DCC: variants seen among roughly 807,000 people sequenced by gnomAD.
DCC encodes the protein netrin receptor DCC.
DCC carries 58 observed loss-of-function variants against 172.5 expected under a neutral mutation model. That is an observed-to-expected ratio of 0.34 (90% confidence interval 0.27 to 0.42). The LOEUF (loss-of-function observed/expected upper bound fraction) is 0.42. Among genes scored for constraint, DCC ranks in the 10% least tolerant of loss-of-function variants. The pLI, the probability that DCC is intolerant of heterozygous loss-of-function variation, is 1.00. For missense variants in DCC, 1,740 were observed against 1,791.0 expected (o/e 0.97, Z 0.51); for synonymous variants, 709 against 644.5 (o/e 1.10, Z -1.52).
In DCC at chr18:52,417,609, T is replaced by C. The variant is rs536904327; in HGVS notation, c.91+76731T>C. Among the ~76,000 whole-genome samples the C allele has an allele frequency of 5.0e-3, 760 of 152,220 alleles. 8 individuals carry two copies. The highest frequency in any genetic ancestry group is 0.018 in the African/African-American group (731 of 41,546). On this transcript the variant is annotated intron_variant, in intron 1 of 28. Transcript: ENST00000442544. ...TGTCTCTAAACTTCCCTTCTCGCTT[T>C]ATTTCATTCATTTCATCTTCCATCA...
chr18:52,490,399 T>A (rs1426283183), intron 1 of DCC, among the ~76,000 whole-genome samples: 1 of 152,110 alleles, frequency 6.6e-6, no homozygotes, highest in African/African-American at 2.4e-5. Context: ...AGCTTATGAA[T>A]ATAACCTTAG....
chr18:52,920,304 A>G (rs1236568563), intron 3 of DCC, among the ~76,000 whole-genome samples: 1 of 152,088 alleles, frequency 6.6e-6, no homozygotes, highest in African/African-American at 2.4e-5. Context: ...AATTTGCAAA[A>G]CACACTTGTG....
chr18:53,447,684 G>C (rs151274487), intron 22 of DCC, among the ~76,000 whole-genome samples: 1 of 152,214 alleles, frequency 6.6e-6, no homozygotes, highest in East Asian at 1.9e-4. Flanking sequence ...AAATCTATGA[G>C]ATCCCTAACT....
intron 2 of DCC, among the ~76,000 whole-genome samples, chr18:52,843,334 C>A (rs1003129799): frequency 6.6e-6 from 1 of 152,132 alleles, no homozygotes; most frequent in Non-Finnish European, 1.5e-5. Flanking sequence ...GAGAAGCCTT[C>A]TTCCAGAAGA....
chr18:52,801,076 A>T (rs1415753606), intron 2 of DCC, among the ~76,000 whole-genome samples: 2 of 152,188 alleles, frequency 1.3e-5, no homozygotes, highest in Admixed American at 6.5e-5. Context: ...TGAGAGTCTC[A>T]GTGTGCAAGG....
intron 7 of DCC, among the ~76,000 whole-genome samples, chr18:53,076,072 T>A (rs1402513457): frequency 6.6e-6 from 1 of 152,192 alleles, no homozygotes; most frequent in Non-Finnish European, 1.5e-5. Context: ...CAATCATATT[T>A]TCCTTCTTTC....
At chr18:52,572,904 C>A (rs1041560187) in intron 1 of DCC, among the ~76,000 whole-genome samples, 12 of 152,128 alleles carry the variant, frequency 7.9e-5, no homozygotes, top group Non-Finnish European at 1.8e-4. Context: ...CTGTACATTG[C>A]CTGGCTTTTC....
chr18:53,369,900 G>T (rs1258098756), intron 15 of DCC, among the ~76,000 whole-genome samples: 2 of 151,828 alleles, frequency 1.3e-5, no homozygotes, highest in African/African-American at 4.8e-5. Context: ...ATTTATAGGA[G>T]ATATTGGTCT....
intron 1 of DCC, among the ~76,000 whole-genome samples, chr18:52,552,279 G>A (rs77860554): frequency 0.058 from 8,773 of 152,054 alleles, 326 homozygotes; most frequent in Middle Eastern, 0.11. Flanking sequence ...TAGGCCATTC[G>A]AAGGACCTTG....
At chr18:53,490,422 T>C (rs778513074) in intron 26 of DCC, among the ~76,000 whole-genome samples, 3 of 152,212 alleles carry the variant, frequency 2.0e-5, no homozygotes, top group African/African-American at 7.2e-5. Flanking sequence ...ATTTTTATAA[T>C]ATTTTCCCAG....
chr18:52,840,088 G>T (rs950879125), intron 2 of DCC, among the ~76,000 whole-genome samples: 1 of 152,128 alleles, frequency 6.6e-6, no homozygotes, highest in Non-Finnish European at 1.5e-5. Flanking sequence ...GGCTCCCAGG[G>T]GGTGCAGATG....
At chr18:52,676,409 GATTA>G (rs1377015862) in intron 1 of DCC, among the ~76,000 whole-genome samples, 1 of 152,102 alleles carries the variant, frequency 6.6e-6, no homozygotes, top group Non-Finnish European at 1.5e-5. Flanking sequence ...AAATCAGACA[GATTA>G]ATTATTTATA....
At chr18:53,209,834 A>G (rs943453693) in intron 11 of DCC, among the ~76,000 whole-genome samples, 1 of 152,218 alleles carries the variant, frequency 6.6e-6, no homozygotes, top group Non-Finnish European at 1.5e-5. Context: ...GAACTGTAAT[A>G]CTGTGGCCTG....
intron 5 of DCC, among the ~76,000 whole-genome samples, chr18:53,028,805 C>T (rs920127271): frequency 6.6e-6 from 1 of 152,216 alleles, no homozygotes; most frequent in African/African-American, 2.4e-5. Context: ...CAACGTATGA[C>T]CATGAAGGAA....
At chr18:53,074,499 G>A (rs2042699316) in intron 7 of DCC, among the ~76,000 whole-genome samples, 1 of 152,146 alleles carries the variant, frequency 6.6e-6, no homozygotes, top group South Asian at 2.1e-4. Flanking sequence ...AAGATACAGA[G>A]CCAAGTTTTT....
chr18:53,147,075 A>T (rs1044444011), intron 7 of DCC, among the ~76,000 whole-genome samples: 3 of 152,212 alleles, frequency 2.0e-5, no homozygotes, highest in Non-Finnish European at 4.4e-5. Context: ...TTTATTAATC[A>T]TCTCTGGTGA....
intron 8 of DCC, among the ~76,000 whole-genome samples, chr18:53,178,737 G>T (rs2055147772): frequency 6.6e-6 from 1 of 152,116 alleles, no homozygotes; most frequent in Admixed American, 6.6e-5. Flanking sequence ...CATGGAAAAT[G>T]ACATAATCTT....
chr18:53,464,959 A>T (rs1285753547), intron 24 of DCC, among the ~76,000 whole-genome samples: 1 of 147,460 alleles, frequency 6.8e-6, no homozygotes, highest in African/African-American at 2.5e-5. Flanking sequence ...AGCCTGGGCG[A>T]CAAGAGCAAA....
intron 1 of DCC, among the ~76,000 whole-genome samples, chr18:52,371,073 G>C (rs1264714018): frequency 6.6e-6 from 1 of 152,078 alleles, no homozygotes; most frequent in African/African-American, 2.4e-5. Context: ...TCAGGGGACA[G>C]GCTACTTTCT....
Sources: gnomAD v4.1 joint callset for allele counts (sites outside exome capture counted in the v4.1 genomes callset) on GRCh38, gnomAD v4.1.1 for gene constraint, MANE v1.5 for transcripts, NCBI Gene and HGNC (gene_info 2026-07-23, HGNC 2026-07-21) for gene names.